PCDH15: variants seen among roughly 807,000 people sequenced by gnomAD.
PCDH15 encodes the protein protocadherin-15.
In PCDH15, 129 loss-of-function variants were observed where a neutral mutation model predicts 178.5. The ratio of observed to expected loss-of-function variants is 0.72; its 90% CI spans 0.63 to 0.84. The LOEUF is 0.84. PCDH15 is among the 40% of genes least tolerant of loss of function. The pLI is 0.00. For synonymous variants in PCDH15, 800 were observed against 732.0 expected (o/e 1.09, Z -1.50); for missense variants, 2,230 against 2,099.9 (o/e 1.06, Z -1.21).
chr10:55,507,024 A>G (rs559597044), intron 2 of PCDH15, among the ~76,000 whole-genome samples: 3 of 151,630 alleles, frequency 2.0e-5, no homozygotes, highest in African/African-American at 7.2e-5. Context: ...TATACATATA[A>G]TTACTTTTTA....
At chr10:53,933,456 G>A (rs1482245418) in intron 25 of PCDH15, among the ~76,000 whole-genome samples, 2 of 151,918 alleles carry the variant, frequency 1.3e-5, no homozygotes, top group South Asian at 2.1e-4. Flanking sequence ...AGTTTGCTGA[G>A]AATGATGGTT....
At chr10:54,036,168 T>C (rs1336972343) in intron 18 of PCDH15, among the ~76,000 whole-genome samples, 1 of 151,982 alleles carries the variant, frequency 6.6e-6, no homozygotes, top group African/African-American at 2.4e-5. Flanking sequence ...CAAGTGCAGA[T>C]GCAGAAGGTG....
chr10:54,932,829 G>A (rs1255357243), intron 2 of PCDH15, among the ~76,000 whole-genome samples: 3 of 152,018 alleles, frequency 2.0e-5, no homozygotes, highest in East Asian at 1.9e-4. Context: ...GAGCCACTGC[G>A]TCCAGCCCAT....
At chr10:54,459,769 G>A (rs999889751) in intron 3 of PCDH15, among the ~76,000 whole-genome samples, 7 of 152,112 alleles carry the variant, frequency 4.6e-5, no homozygotes, top group African/African-American at 1.7e-4. Context: ...TGAAGGAACT[G>A]AAGGCCTGTG....
chr10:54,802,838 G>A (rs969889390), upstream of PCDH15, among the ~76,000 whole-genome samples: 1 of 152,134 alleles, frequency 6.6e-6, no homozygotes, highest in African/African-American at 2.4e-5. Flanking sequence ...TGATAACTCT[G>A]ATGACACATC....
At chr10:54,263,862 G>T (rs930773848) in intron 8 of PCDH15, among the ~76,000 whole-genome samples, 2 of 152,142 alleles carry the variant, frequency 1.3e-5, no homozygotes, top group African/African-American at 4.8e-5. Context: ...ACTAGGAGAG[G>T]CAGAACCACT....
At chr10:54,796,712 T>C (rs1195568293) in intron 1 of PCDH15, among the ~76,000 whole-genome samples, 1 of 151,982 alleles carries the variant, frequency 6.6e-6, no homozygotes, top group Non-Finnish European at 1.5e-5. Context: ...ATTTTCTTTG[T>C]GTGACTATCC....
chr10:55,523,260 G>A (rs1052990598), intron 2 of PCDH15, among the ~76,000 whole-genome samples: 2 of 150,936 alleles, frequency 1.3e-5, no homozygotes. Flanking sequence ...TAGTTTGTTG[G>A]TGTTTCACAG....
chr10:53,934,343 A>G (rs936792112), intron 25 of PCDH15, among the ~76,000 whole-genome samples: 2 of 152,086 alleles, frequency 1.3e-5, no homozygotes, highest in Non-Finnish European at 2.9e-5. Flanking sequence ...TGACCACAAG[A>G]CTGTGCAAGC....
intron 15 of PCDH15, among the ~76,000 whole-genome samples, chr10:54,110,442 CCTG>C (rs1312043662): frequency 1.3e-5 from 2 of 151,920 alleles, no homozygotes; most frequent in African/African-American, 2.4e-5. Context: ...GTCTTTTTAG[CCTG>C]CTATTTGGGG....
At chr10:54,868,041 G>A (rs1953969490) in intron 3 of PCDH15, among the ~76,000 whole-genome samples, 1 of 152,038 alleles carries the variant, frequency 6.6e-6, no homozygotes, top group Admixed American at 6.6e-5. Context: ...ATTTCACAAT[G>A]TACACTTATA....
At chr10:54,645,211 C>G (rs753375468) in intron 2 of PCDH15, among the ~76,000 whole-genome samples, 36 of 151,702 alleles carry the variant, frequency 2.4e-4, no homozygotes, top group Admixed American at 7.9e-4. Context: ...TCCTTTATAC[C>G]TAGGAATGAA....
chr10:54,595,747 AAAAC>A lies in PCDH15; in HGVS notation c.92-67874_92-67871del, dbSNP rs571661139. 1.3e-4 allele frequency among the ~76,000 whole-genome samples: 20 copies of A among 150,100 alleles called. No homozygotes were observed. The South Asian group carries it at 3.1e-3, about 23-fold the overall frequency. On this transcript the variant is annotated intron_variant, in intron 2 of 37. Transcript: ENST00000644397. ...TAACAGACAAAATAGCCAGTACAGAAAAACAAACAAACAAACAAACAAAAAACAT... is the reference window on the plus strand; with the variant it reads ...TAACAGACAAAATAGCCAGTACAGAAAAACAAACAAACAAACAAAAAACAT...
At chr10:54,623,895 T>C (rs2093463504) in intron 2 of PCDH15, among the ~76,000 whole-genome samples, 1 of 152,114 alleles carries the variant, frequency 6.6e-6, no homozygotes, top group Non-Finnish European at 1.5e-5. Context: ...ACAGGAAGAT[T>C]TGGAAACTGT....
intron 2 of PCDH15, among the ~76,000 whole-genome samples, chr10:55,145,266 G>C (rs1451079509): frequency 6.6e-6 from 1 of 152,002 alleles, no homozygotes; most frequent in East Asian, 1.9e-4. Flanking sequence ...TTGCAGAGGG[G>C]CATGCTCTGG....
chr10:54,208,264 GC>G, intron 10 of PCDH15, among the ~76,000 whole-genome samples: 1 of 152,038 alleles, frequency 6.6e-6, no homozygotes, highest in Middle Eastern at 3.4e-3. Flanking sequence ...TATTTACTTT[GC>G]CTTACCTTAG....
At chr10:55,530,761 T>G (rs777949693) in intron 2 of PCDH15, among the ~76,000 whole-genome samples, 5 of 151,990 alleles carry the variant, frequency 3.3e-5, no homozygotes, top group Non-Finnish European at 7.4e-5. Context: ...AATTAATTAT[T>G]TTAAGCTATC....
intron 1 of PCDH15, among the ~76,000 whole-genome samples, chr10:55,181,569 ATT>A (rs747724349): frequency 2.6e-5 from 4 of 151,968 alleles, no homozygotes; most frequent in Non-Finnish European, 5.9e-5. Flanking sequence ...TTTAAGGACT[ATT>A]TTAAATTTAT....
At chr10:55,234,239 C>T (rs1174314768) in intron 1 of PCDH15, among the ~76,000 whole-genome samples, 1 of 152,016 alleles carries the variant, frequency 6.6e-6, no homozygotes, top group Non-Finnish European at 1.5e-5. Flanking sequence ...TAGTTGAAAT[C>T]TAACTTTTCT....
Sources: allele counts gnomAD v4.1 joint callset (sites outside exome capture counted in the v4.1 genomes callset), GRCh38; gene constraint gnomAD v4.1.1; transcripts MANE v1.5; gene names NCBI Gene and HGNC (gene_info 2026-07-23, HGNC 2026-07-21).